Variants in GLCCI1 observed in about 807,000 individuals in gnomAD.
GLCCI1 encodes glucocorticoid induced 1.
Under a neutral mutation model 52.2 loss-of-function variants are expected in GLCCI1, and 24 were observed. The observed-to-expected ratio is 0.46, with a 90% CI of 0.33 to 0.65. GLCCI1 has a LOEUF of 0.65. Among genes scored for constraint, GLCCI1 ranks in the 30% least tolerant of loss-of-function variants. The probability of loss-of-function intolerance (pLI) is 0.02; values close to 1 mark genes in which losing one functional copy is unlikely to be tolerated. For missense variants in GLCCI1, 704 were observed against 701.5 expected (o/e 1.00, Z -0.04); for synonymous variants, 310 against 276.5 (o/e 1.12, Z -1.20).
At chr7:8,000,051 C>T (rs796996141) in intron 1 of GLCCI1, among the ~76,000 whole-genome samples, 3 of 152,314 alleles carry the variant, frequency 2.0e-5, no homozygotes, top group African/African-American at 7.2e-5. Flanking sequence ...AGTAGAGGCT[C>T]AAGTTATTCA....
intron 5 of GLCCI1, among the ~76,000 whole-genome samples, chr7:8,068,463 T>A (rs1398460226): frequency 2.0e-5 from 3 of 152,254 alleles, no homozygotes; most frequent in Non-Finnish European, 2.9e-5. Flanking sequence ...ATTATGAAAG[T>A]CTCATAGTGT....
intron 5 of GLCCI1, among the ~76,000 whole-genome samples, chr7:8,066,523 T>C (rs1295575214): frequency 6.6e-6 from 1 of 151,586 alleles, no homozygotes; most frequent in Non-Finnish European, 1.5e-5. Context: ...CCTTTAGAGC[T>C]TGTAAATTTC....
chr7:8,017,438 TC>T (rs1281446865), intron 2 of GLCCI1, among the ~76,000 whole-genome samples: 1 of 152,184 alleles, frequency 6.6e-6, no homozygotes, highest in Non-Finnish European at 1.5e-5. Context: ...TTAGAATCCA[TC>T]AGAATAATCT....
intron 1 of GLCCI1, among the ~76,000 whole-genome samples, chr7:7,996,195 A>C (rs80318743): frequency 0.029 from 4,410 of 152,200 alleles, 201 homozygotes; most frequent in African/African-American, 0.093. Flanking sequence ...TTGTTTTTGT[A>C]GTTGCTAATA....
intron 1 of GLCCI1, among the ~76,000 whole-genome samples, chr7:7,991,774 C>T (rs1780842344): frequency 6.6e-6 from 1 of 152,128 alleles, no homozygotes; most frequent in Non-Finnish European, 1.5e-5. Context: ...AAATATCTTT[C>T]TCCATAAAAG....
intron 5 of GLCCI1, 143 bp from the exon 6 acceptor site, chr7:8,070,778 A>C: frequency 1.5e-6 from 1 of 660,626 alleles, no homozygotes; most frequent in South Asian, 1.9e-5. Context: ...AATTAGCTTA[A>C]GACACAAGCT....
intron 1 of GLCCI1, among the ~76,000 whole-genome samples, chr7:7,977,656 G>A (rs1780523040): frequency 6.6e-6 from 1 of 152,140 alleles, no homozygotes; most frequent in Non-Finnish European, 1.5e-5. Context: ...GACTTTTTAA[G>A]ATTTTGGTTG....
chr7:8,068,779 C>T (rs1308975224), intron 5 of GLCCI1, among the ~76,000 whole-genome samples: 2 of 152,180 alleles, frequency 1.3e-5, no homozygotes, highest in Non-Finnish European at 2.9e-5. Context: ...TTCCTTCAAC[C>T]ATGGTATAAT....
At chr7:8,031,734 C>T (rs999814915) in intron 3 of GLCCI1, among the ~76,000 whole-genome samples, 19 of 151,062 alleles carry the variant, frequency 1.3e-4, no homozygotes, top group African/African-American at 4.4e-4. Context: ...AAAAAACAAA[C>T]AGACTGAAAG....
At chr7:8,041,202 A>G (rs1394487547) in intron 3 of GLCCI1, among the ~76,000 whole-genome samples, 1 of 152,210 alleles carries the variant, frequency 6.6e-6, no homozygotes, top group African/African-American at 2.4e-5. Context: ...TAGATAAAAG[A>G]TCAAACCAGC....
At position 8,088,904 on chromosome 7, in the gene GLCCI1, A is replaced by G. The variant is rs1252913684; in HGVS notation, c.*2366A>G. 1 of 152,670 alleles carries G rather than the reference A, an allele frequency of 6.6e-6. No individual in the cohort carries two copies. The highest frequency in any genetic ancestry group is 1.5e-5 in the Non-Finnish European group (1 of 68,042). The allele number at this position is 152,670 out of a possible 1,614,324, so 9.5% of individuals were successfully genotyped here. A position where few individuals can be genotyped will look rare whatever the true frequency, so the allele number is the denominator to read the frequency against. The stretch of plus-strand genomic sequence containing the variant: ...ACATCCAGCTGTAGAAATTTGTCAG[A>G]AATTGTTTAAATTTTGTATATAATT... On this transcript the variant is annotated 3_prime_UTR_variant, in exon 8 of 8. Transcript: ENST00000223145.
At chr7:7,993,799 A>AG (rs397805726) in intron 1 of GLCCI1, among the ~76,000 whole-genome samples, 1 of 151,850 alleles carries the variant, frequency 6.6e-6, no homozygotes, top group Non-Finnish European at 1.5e-5. Flanking sequence ...AAAAAAAAAA[A>AG]GAAAATATTT....
At chr7:8,057,855 A>C (rs1292452075) in intron 4 of GLCCI1, among the ~76,000 whole-genome samples, 1 of 152,148 alleles carries the variant, frequency 6.6e-6, no homozygotes, top group Non-Finnish European at 1.5e-5. Flanking sequence ...TTTACATTGA[A>C]TTTTTACCAT....
chr7:8,014,034 G>A (rs1351234367), intron 2 of GLCCI1, among the ~76,000 whole-genome samples: 1 of 146,298 alleles, frequency 6.8e-6, no homozygotes, highest in East Asian at 2.0e-4. Context: ...CTGTCGCCCA[G>A]GCTGGAGTGC....
chr7:8,049,505 A>T (rs2127957221), intron 3 of GLCCI1, among the ~76,000 whole-genome samples: 1 of 152,314 alleles, frequency 6.6e-6, no homozygotes, highest in East Asian at 1.9e-4. Flanking sequence ...AATCGTAAAT[A>T]TGTTTTATAA....
intron 3 of GLCCI1, among the ~76,000 whole-genome samples, chr7:8,050,138 T>C (rs1459516686): frequency 6.6e-6 from 1 of 152,188 alleles, no homozygotes; most frequent in Non-Finnish European, 1.5e-5. Context: ...ATGTGAAGTC[T>C]GCATGTAGGC....
At chr7:8,084,673 A>C (rs1373654854) in intron 6 of GLCCI1, 3 of 430,432 alleles carry the variant, frequency 7.0e-6, no homozygotes, top group Non-Finnish European at 8.2e-6. Flanking sequence ...TTCTGGACCA[A>C]AATGTCCTTT....
chr7:8,009,179 A>G lies in GLCCI1; in HGVS notation c.609+5120A>G, dbSNP rs560023696. Among the ~76,000 whole-genome samples, 3 of 152,320 alleles carry G rather than the reference A, an allele frequency of 2.0e-5. No homozygotes were observed. In the South Asian group the frequency reaches 6.2e-4, roughly 32 times the overall value. On this transcript the variant is annotated intron_variant, in intron 2 of 7. Coordinates refer to ENST00000223145, the MANE Select transcript of GLCCI1 (RefSeq NM_138426.4). Reference sequence around the variant, plus strand: ...AACTAAAATCCATTTGTGAAATTTAATATTTTATTACTGTAGCCTTGCAGA... The same window carrying G: ...AACTAAAATCCATTTGTGAAATTTAGTATTTTATTACTGTAGCCTTGCAGA...
intron 1 of GLCCI1, chr7:7,980,908 T>G (rs1268053450): frequency 1.6e-6 from 1 of 617,624 alleles, no homozygotes; most frequent in Non-Finnish European, 3.0e-6. Flanking sequence ...CATTCCTGAT[T>G]TATTAATCCC....
Sources: allele counts gnomAD v4.1 joint callset (sites outside exome capture counted in the v4.1 genomes callset), GRCh38; gene constraint gnomAD v4.1.1; transcripts MANE v1.5; gene names NCBI Gene and HGNC (gene_info 2026-07-23, HGNC 2026-07-21).